Variants in TASOR observed in about 807,000 individuals in gnomAD.
TASOR encodes protein TASOR.
In TASOR, 53 loss-of-function variants were observed where a neutral mutation model predicts 178.6. The observed-to-expected ratio is 0.30, with a 90% CI of 0.24 to 0.37. The LOEUF (loss-of-function observed/expected upper bound fraction) is 0.37. Among genes scored for constraint, TASOR ranks in the 10% least tolerant of loss-of-function variants. The probability of loss-of-function intolerance (pLI) is 1.00; values close to 1 mark genes in which losing one functional copy is unlikely to be tolerated. For synonymous variants in TASOR, 713 were observed against 696.2 expected, an observed-to-expected ratio of 1.02 and a Z score of -0.38; for missense variants, 1,815 against 1,971.4, an observed-to-expected ratio of 0.92 and a Z score of 1.50.
Position 56,633,788 on chromosome 3 carries a change from C to A in TASOR, c.3003G>T (p.Gln1001His), listed in dbSNP as rs745603847. 1 of 1,614,242 alleles carries A rather than the reference C, an allele frequency of 6.2e-7. No homozygotes were observed. The highest frequency in any genetic ancestry group is 2.2e-5 in the East Asian group (1 of 44,884). Reference protein sequence around the residue: ...DDVLTGQVEEQCVPAAEAEPP... With the variant: ...DDVLTGQVEEHCVPAAEAEPP... The stretch of plus-strand genomic sequence containing the variant: ...GCTCTGCCTCTGCTGCTGGCACACA[C>A]TGCTCCTCCACCTGACCTGTCAACA... Residue 1001 changes from glutamine (Q) to histidine (H), a missense_variant, in exon 18 of 24, where the codon CAG becomes CAT. Around this residue, in one of 5 missense-constraint regions of TASOR, gnomAD observed 655 missense variants for 671.1 expected, o/e 0.98. Coordinates refer to ENST00000683822, the MANE Select transcript of TASOR (RefSeq NM_001365635.2).
rs2077243956 is a variant in TASOR at position 56,646,613 on chromosome 3, A to G, written c.2124T>C (p.Thr708=). The change falls in exon 14 of 24, where the codon ACT becomes ACC. Residue 708 remains threonine, a synonymous_variant. Transcript: ENST00000683822. ...GATCCTCAAGCTTCCTCTTCAAGACAGTTTTGCTTCTCATATCTTCTGTGT... is the reference window on the plus strand; with the variant it reads ...GATCCTCAAGCTTCCTCTTCAAGACGGTTTTGCTTCTCATATCTTCTGTGT... ...DSDTEDMRSK[T]VLKRKLEDLP... The G allele has an allele frequency of 1.2e-6, 2 of 1,613,318 alleles. No individual in the cohort carries two copies. The highest frequency in any genetic ancestry group is 1.7e-6 in the Non-Finnish European group (2 of 1,179,970).
rs759400128 is a variant in TASOR at position 56,641,354 on chromosome 3, T to C, written c.2614A>G (p.Lys872Glu). The change falls in exon 15 of 24, where the codon AAA becomes GAA. Residue 872 changes from lysine to glutamate, a missense_variant. Around this residue, in one of 5 missense-constraint regions of TASOR, gnomAD observed 655 missense variants for 671.1 expected, o/e 0.98. Coordinates refer to ENST00000683822, the MANE Select transcript of TASOR (RefSeq NM_001365635.2). ...EVGTDHKLHL[K>E]EDPNLISVNN... ...ACCAACAGCTATATGCTTACTTCTTTCAAATGTAGCTTATGGTCAGTGCCC... is the reference window on the plus strand; with the variant it reads ...ACCAACAGCTATATGCTTACTTCTTCCAAATGTAGCTTATGGTCAGTGCCC... 18 of 1,586,560 alleles carry C rather than the reference T, an allele frequency of 1.1e-5. No homozygotes were observed. In the South Asian group the frequency reaches 1.9e-4, roughly 17 times the overall value.
chr3:56,660,877 G>A (rs2077579390), intron 10 of TASOR, 37 bp downstream of exon 10: 2 of 1,604,446 alleles, frequency 1.2e-6, no homozygotes, highest in Non-Finnish European at 1.7e-6. Context: ...AATCAAGTCT[G>A]CTTCTAATGC....
intron 11 of TASOR, among the ~76,000 whole-genome samples, chr3:56,658,677 C>T (rs1001649394): frequency 7.9e-5 from 12 of 152,104 alleles, no homozygotes; most frequent in Non-Finnish European, 1.0e-4. Context: ...GAGGCCGAGG[C>T]GGGTGGATCA....
intron 14 of TASOR, among the ~76,000 whole-genome samples, chr3:56,643,787 T>C (rs532491271): frequency 3.0e-4 from 45 of 150,096 alleles, no homozygotes; most frequent in African/African-American, 9.1e-4. Context: ...AAAGTTAGAA[T>C]ACAACCTTGA....
intron 1 of TASOR, among the ~76,000 whole-genome samples, chr3:56,674,183 C>A: frequency 7.3e-6 from 1 of 137,308 alleles, no homozygotes. Flanking sequence ...CTGTTACTGA[C>A]ACACTGGTCT....
rs372594217 is a variant in TASOR at position 56,639,983 on chromosome 3, T to C, written c.2764+3A>G. 1.2e-6 allele frequency: 2 copies of C among 1,601,302 alleles called. No individual in the cohort carries two copies. The highest frequency in any genetic ancestry group is 2.7e-5 in the African/African-American group (2 of 74,484). ...AACACAAGTCCAAGTATACTTTTCT[T>C]ACCTGTAATTGGAATCAGTTTCCAA... On this transcript the variant is annotated splice_donor_region_variant and intron_variant, in intron 16 of 23. Transcript: ENST00000683822.
chr3:56,648,791 G>A (rs2077289895), intron 13 of TASOR, 31 bp downstream of exon 13: 2 of 1,485,744 alleles, frequency 1.3e-6, no homozygotes, highest in East Asian at 4.5e-5. Flanking sequence ...GTATCTATAA[G>A]TAACCAGATT....
At chr3:56,663,681 C>T (rs1342297187) in intron 7 of TASOR, 109 bp from the exon 8 acceptor site, 1 of 1,111,820 alleles carries the variant, frequency 9.0e-7, no homozygotes, top group Non-Finnish European at 1.1e-6. Context: ...ACAGTTAAGT[C>T]CTTCCTCCAG....
At chr3:56,628,372 G>T in intron 19 of TASOR, 120 bp downstream of exon 19, 1 of 866,876 alleles carries the variant, frequency 1.2e-6, no homozygotes, top group Non-Finnish European at 1.8e-6. Context: ...ATTCACAGAT[G>T]GGTCCTTAAG....
rs1368527236 is a variant in TASOR, at chr3:56,633,304, G to C, written c.3487C>G (p.Gln1163Glu). Residue 1163 changes from glutamine to glutamate, a missense_variant, in exon 18 of 24, where the codon CAG (glutamine) becomes GAG (glutamate). Gln to Glu is a conservative substitution (Grantham distance 29, BLOSUM62 2). This residue lies in a region of TASOR where 655 missense variants were observed against 671.1 expected (regional missense o/e 0.98). Transcript: ENST00000683822. ...TSALTEVEMN[Q>E]PQHATELMVT... ...ATTAACTCTGTGGCATGTTGAGGCT[G>C]GTTCATTTCTACTTCAGTTAAAGCC... 3 of 1,614,134 alleles carry C rather than the reference G, an allele frequency of 1.9e-6. No individual in the cohort carries two copies. The highest frequency in any genetic ancestry group is 1.3e-5 in the African/African-American group (1 of 75,030).
In TASOR at chr3:56,666,288, G is replaced by C. The variant is rs2029960371; in HGVS notation, c.994C>G (p.Gln332Glu). 1 of 1,544,370 alleles carries C rather than the reference G, an allele frequency of 6.5e-7. No individual in the cohort carries two copies. Among genetic ancestry groups the C allele is most frequent in the Non-Finnish European group, 8.7e-7 (1 of 1,144,288 alleles). ...VVSFTYKDDI[Q>E]TPKFVPSSRS... ...GATGAAGGTACAAACTTCGGAGTTTGTATATCATCTTTGTAAGTAAAAGAC... is the reference window on the plus strand; with the variant it reads ...GATGAAGGTACAAACTTCGGAGTTTCTATATCATCTTTGTAAGTAAAAGAC... Residue 332 changes from glutamine (Q) to glutamate (E), a missense_variant, in exon 7 of 24, where the codon CAA (glutamine) becomes GAA (glutamate). Coordinates refer to ENST00000683822, the MANE Select transcript of TASOR (RefSeq NM_001365635.2).
At chr3:56,640,263 T>G (rs935099186) in intron 15 of TASOR, 133 bp from the exon 16 acceptor site, 2 of 729,972 alleles carry the variant, frequency 2.7e-6, no homozygotes, top group Non-Finnish European at 4.5e-6. Context: ...CATGGTAAAG[T>G]TATACTCTAG....
Position 56,621,685 on chromosome 3 carries a change from C to T in TASOR, c.*1352G>A, listed in dbSNP as rs1274439286. 6 of 1,099,350 alleles carry T rather than the reference C, an allele frequency of 5.5e-6. No homozygotes were observed. Among genetic ancestry groups the T allele is most frequent in the Non-Finnish European group, 8.0e-6 (6 of 750,336 alleles). 68.1% of individuals were successfully genotyped at this position (1,099,350 alleles called of 1,614,324 possible). On this transcript the variant is annotated 3_prime_UTR_variant, in exon 24 of 24. Coordinates refer to ENST00000683822, the MANE Select transcript of TASOR (RefSeq NM_001365635.2). ...AAATTATAAAATGTGCTCACTGGCT[C>T]AACTGTATTTTTCAAATAGCCTAGA... is the stretch of plus-strand genomic sequence containing the variant.
At chr3:56,654,402 T>TG (rs1491510597) in intron 11 of TASOR, among the ~76,000 whole-genome samples, 18 of 41,924 alleles carry the variant, frequency 4.3e-4, no homozygotes, top group African/African-American at 1.9e-3. Context: ...GTGGGCGGGG[T>TG]TGGGGGGTGG....
chr3:56,644,886 G>T (rs953901691), intron 14 of TASOR, among the ~76,000 whole-genome samples: 21 of 152,198 alleles, frequency 1.4e-4, no homozygotes, highest in African/African-American at 5.1e-4. Flanking sequence ...TGGTGTGGTT[G>T]TTGAAATGTA....
At chr3:56,637,804 C>T (rs1386925865) in intron 17 of TASOR, among the ~76,000 whole-genome samples, 5 of 152,048 alleles carry the variant, frequency 3.3e-5, no homozygotes, top group African/African-American at 9.6e-5. Flanking sequence ...AAGATCACCA[C>T]CAAACTGTAA....
Position 56,633,567 on chromosome 3 carries a change from T to A in TASOR, c.3224A>T (p.Gln1075Leu), listed in dbSNP as rs904204532. 11 of 1,614,064 alleles carry A rather than the reference T, an allele frequency of 6.8e-6. No homozygotes were observed. The African/African-American group carries it at 9.3e-5, about 14-fold the overall frequency. Residue 1075 changes from glutamine (Q) to leucine (L), a missense_variant, in exon 18 of 24, where the codon CAG becomes CTG. Coordinates refer to ENST00000683822, the MANE Select transcript of TASOR (RefSeq NM_001365635.2). ...CTCATGCAAACCATCTACAAACTCC[T>A]GCACACCAGCTTTGGAAGTCTTAGA... Reference protein sequence around the residue: ...IYSKTSKAGVQEFVDGLHEKL... With the variant: ...IYSKTSKAGVLEFVDGLHEKL...
At chr3:56,675,455 G>GC (rs1407785746) in intron 1 of TASOR, among the ~76,000 whole-genome samples, 1 of 152,132 alleles carries the variant, frequency 6.6e-6, no homozygotes, top group Admixed American at 6.5e-5. Flanking sequence ...GGGATTACGG[G>GC]CATGAGCCAC....
Sources: allele counts gnomAD v4.1 joint callset (sites outside exome capture counted in the v4.1 genomes callset), GRCh38; gene constraint gnomAD v4.1.1; regional missense constraint gnomAD v4.1.1; transcripts MANE v1.5; gene names NCBI Gene and HGNC (gene_info 2026-07-23, HGNC 2026-07-21).